PLD5: variants seen among roughly 807,000 people sequenced by gnomAD.
The protein encoded by PLD5 is inactive phospholipase D5.
Under a neutral mutation model 61.1 loss-of-function variants are expected in PLD5, and 36 were observed. That is an observed-to-expected ratio of 0.59 (90% CI 0.45 to 0.78). The LOEUF (loss-of-function observed/expected upper bound fraction) is 0.78. Ranked by LOEUF, PLD5 falls within the 30% of genes least tolerant of loss-of-function variation. The pLI is 0.00. For missense variants in PLD5, 515 were observed against 644.4 expected, an observed-to-expected ratio of 0.80 and a Z score of 2.17; for synonymous variants, 243 against 242.8, an observed-to-expected ratio of 1.00 and a Z score of -0.01.
intron 4 of PLD5, among the ~76,000 whole-genome samples, chr1:242,228,337 A>G (rs371525505): frequency 6.6e-6 from 1 of 152,208 alleles, no homozygotes; most frequent in South Asian, 2.1e-4. Context: ...TGCAGCGTAT[A>G]CATGCATCAT....
chr1:242,435,119 AG>A, intron 1 of PLD5, among the ~76,000 whole-genome samples: 1 of 152,290 alleles, frequency 6.6e-6, no homozygotes, highest in South Asian at 2.1e-4. Flanking sequence ...TTTGACAAAA[AG>A]TCTGAACACA....
chr1:242,183,439 T>C (rs1202542028), intron 5 of PLD5, among the ~76,000 whole-genome samples: 2 of 152,242 alleles, frequency 1.3e-5, no homozygotes, highest in African/African-American at 2.4e-5. Context: ...CCGCCGGTCA[T>C]GGTGCTTCCA....
intron 5 of PLD5, among the ~76,000 whole-genome samples, chr1:242,209,587 C>A (rs1464733616): frequency 6.6e-6 from 1 of 152,158 alleles, no homozygotes; most frequent in Non-Finnish European, 1.5e-5. Flanking sequence ...AACAGCACAA[C>A]CTGCACCCGT....
At chr1:242,442,158 G>GC (rs1180688475) in intron 1 of PLD5, among the ~76,000 whole-genome samples, 1 of 152,150 alleles carries the variant, frequency 6.6e-6, no homozygotes, top group African/African-American at 2.4e-5. Context: ...AAATACCTTG[G>GC]CCGATGCCCA....
chr1:242,390,063 C>T (rs1432914931), intron 1 of PLD5, among the ~76,000 whole-genome samples: 1 of 45,892 alleles, frequency 2.2e-5, no homozygotes, highest in Non-Finnish European at 5.5e-5. Flanking sequence ...CTTTGTCTCC[C>T]AGGCTGGAGT....
At chr1:242,312,245 T>TA (rs397934234) in intron 2 of PLD5, among the ~76,000 whole-genome samples, 16 of 151,804 alleles carry the variant, frequency 1.1e-4, no homozygotes, top group Non-Finnish European at 1.8e-4. Context: ...TTTTTTTTTT[T>TA]AATTTTAATG....
chr1:242,159,635 C>T (rs779116096), intron 5 of PLD5, among the ~76,000 whole-genome samples: 7 of 152,120 alleles, frequency 4.6e-5, no homozygotes, highest in East Asian at 3.9e-4. Context: ...CTGGGTATAT[C>T]TGTCCCTACC....
chr1:242,409,920 C>T (rs141042973), intron 1 of PLD5, among the ~76,000 whole-genome samples: 250 of 152,324 alleles, frequency 1.6e-3, no homozygotes, highest in Admixed American at 3.5e-3. Context: ...ATGGCCCACA[C>T]TTGTGTATCA....
chr1:242,271,441 C>T (rs369760004), intron 3 of PLD5, among the ~76,000 whole-genome samples: 2 of 152,074 alleles, frequency 1.3e-5, no homozygotes, highest in East Asian at 3.9e-4. Context: ...AAACTTAGAG[C>T]TATATTCTGT....
intron 1 of PLD5, among the ~76,000 whole-genome samples, chr1:242,439,095 G>A (rs966674162): frequency 2.0e-5 from 3 of 152,064 alleles, no homozygotes; most frequent in Non-Finnish European, 2.9e-5. Flanking sequence ...CCACCACCTG[G>A]CATAGCGCTT....
intron 1 of PLD5, among the ~76,000 whole-genome samples, chr1:242,350,658 G>A (rs568206465): frequency 3.9e-4 from 59 of 152,256 alleles, no homozygotes; most frequent in African/African-American, 1.4e-3. Context: ...CAAGTCAAAG[G>A]AATGAATGGT....
chr1:242,512,467 G>T (rs1668957530), intron 1 of PLD5, among the ~76,000 whole-genome samples: 1 of 151,660 alleles, frequency 6.6e-6, no homozygotes, highest in Non-Finnish European at 1.5e-5. Context: ...ATTCCCTGCT[G>T]CAGAGTGTCT....
chr1:242,171,166 G>T (rs1484003102), intron 5 of PLD5, among the ~76,000 whole-genome samples: 3 of 152,196 alleles, frequency 2.0e-5, no homozygotes, highest in African/African-American at 7.2e-5. Context: ...ACAAAGGGAA[G>T]CTCATCAGAC....
chr1:242,112,330 T>TGTAA lies in PLD5; in HGVS notation c.1070+1559_1070+1560insTTAC, dbSNP rs1661585989. On this transcript the variant is annotated intron_variant, in intron 7 of 9. Transcript: ENST00000536534. ...GTGTGTGTGTGTGTGTGTGTATGTA[T>TGTAA]GTATATGTGTATATATATATATAGA... Among the ~76,000 whole-genome samples the TGTAA allele has an allele frequency of 3.2e-5, 2 of 61,570 alleles. 1 individual carries two copies. Among genetic ancestry groups the TGTAA allele is most frequent in the African/African-American group, 1.5e-4 (2 of 13,600 alleles). 40.4% of individuals were successfully genotyped at this position (61,570 alleles called of 152,430 possible). A position where few individuals can be genotyped will look rare whatever the true frequency, so the allele number is the denominator to read the frequency against.
At chr1:242,340,650 C>T (rs1414606323) in intron 2 of PLD5, among the ~76,000 whole-genome samples, 2 of 152,126 alleles carry the variant, frequency 1.3e-5, no homozygotes, top group South Asian at 4.1e-4. Context: ...TTTACAGAAG[C>T]CTTTCACACA....
At chr1:242,282,869 C>T (rs36022796) in intron 3 of PLD5, among the ~76,000 whole-genome samples, 4 of 152,090 alleles carry the variant, frequency 2.6e-5, no homozygotes, top group African/African-American at 4.8e-5. Context: ...ACCTTTTGCC[C>T]GACCATGTAT....
chr1:242,446,162 AC>A (rs1223657743), intron 1 of PLD5, among the ~76,000 whole-genome samples: 8 of 152,054 alleles, frequency 5.3e-5, no homozygotes, highest in African/African-American at 1.9e-4. Context: ...TCCCTCCCTG[AC>A]TTCACCACTA....
chr1:242,250,192 A>G (rs1048460094), intron 4 of PLD5, among the ~76,000 whole-genome samples: 3 of 152,246 alleles, frequency 2.0e-5, no homozygotes, highest in African/African-American at 7.2e-5. Context: ...ATCAAGGCTC[A>G]ACCTGAAATC....
chr1:242,428,916 T>C (rs1479391145), intron 1 of PLD5, among the ~76,000 whole-genome samples: 1 of 152,208 alleles, frequency 6.6e-6, no homozygotes, highest in East Asian at 1.9e-4. Context: ...TCAGCAGTCA[T>C]TGCCCTCGGT....
Sources: allele counts gnomAD v4.1 joint callset (sites outside exome capture counted in the v4.1 genomes callset), GRCh38; gene constraint gnomAD v4.1.1; transcripts MANE v1.5; gene names NCBI Gene and HGNC (gene_info 2026-07-23, HGNC 2026-07-21).